The following ARRDC4 variants were observed in gnomAD, a reference collection of about 807,000 sequenced individuals.
ARRDC4 encodes arrestin domain containing 4, also known as arrestin domain-containing protein 4.
In ARRDC4, 40 loss-of-function variants were observed where a neutral mutation model predicts 44.6. The observed-to-expected ratio is 0.90, with a 90% CI of 0.70 to 1.17. ARRDC4 has a LOEUF of 1.17. ARRDC4 is among the 50% of genes most tolerant of loss of function. The pLI, the probability that ARRDC4 is intolerant of heterozygous loss-of-function variation, is 0.00. For synonymous variants in ARRDC4, 211 were observed against 221.2 expected (o/e 0.95, Z 0.41); for missense variants, 550 against 559.1 (o/e 0.98, Z 0.16).
Position 97,968,018 on chromosome 15 carries a change from C to CTG in ARRDC4, c.529_530dup (p.Leu178TyrfsTer2). 6.3e-7 allele frequency: 1 copy of CTG among 1,589,952 alleles called. No homozygotes were observed. The highest frequency in any genetic ancestry group is 1.4e-5 in the African/African-American group (1 of 73,716). On this transcript the variant is annotated frameshift_variant, in exon 4 of 8. Coordinates refer to ENST00000268042, the MANE Select transcript of ARRDC4 (RefSeq NM_183376.3). LOFTEE classifies it high-confidence loss of function. The surrounding 1 kb of genome is among the most constrained non-coding windows in gnomAD (Gnocchi z 5.4). ...TTATTGTTTGAAATTTTCAAGACCC[C>CTG]TGTATTGAAAACTCAAGAGAAAATG... is the stretch of plus-strand genomic sequence containing the variant.
At chr15:97,963,734 A>G (rs1243658166) in intron 1 of ARRDC4, among the ~76,000 whole-genome samples, 1 of 152,206 alleles carries the variant, frequency 6.6e-6, no homozygotes, top group African/African-American at 2.4e-5. Context: ...TTTGAGGATT[A>G]TCTGCGGTGC....
At chr15:97,964,429 A>G (rs1159611419) in intron 1 of ARRDC4, among the ~76,000 whole-genome samples, 1 of 152,162 alleles carries the variant, frequency 6.6e-6, no homozygotes, top group Non-Finnish European at 1.5e-5. Flanking sequence ...ATTAAATCTG[A>G]GCATGAAATG....
At position 97,967,759 on chromosome 15, in the gene ARRDC4, C is replaced by T. The variant is rs1364967459; in HGVS notation, c.523-255C>T. On this transcript the variant is annotated intron_variant, in intron 3 of 7. Transcript: ENST00000268042. This position sits in a 1 kb window ranked among gnomAD's most constrained non-coding sequence, Gnocchi z 5.0. The stretch of plus-strand genomic sequence containing the variant: ...ATATTATTTCCTGGAAACATAATGA[C>T]TTCAGGGTAAAATAAGATGGTGTCA... Among the ~76,000 whole-genome samples the T allele has an allele frequency of 4.6e-5, 7 of 151,816 alleles. No homozygotes were observed. Among genetic ancestry groups the T allele is most frequent in the African/African-American group, 1.7e-4 (7 of 41,334 alleles).
At position 97,968,519 on chromosome 15, in the gene ARRDC4, T is replaced by C. The variant is rs1475224484; in HGVS notation, c.625+403T>C. On this transcript the variant is annotated intron_variant, in intron 4 of 7. Transcript: ENST00000268042. The surrounding 1 kb of genome is among the most constrained non-coding windows in gnomAD (Gnocchi z 5.4). ...GCAAATGCATGGGACTGGAATGTAGTGTATTAACAAACTTAACAATCAGAT... is the reference window on the plus strand; with the variant it reads ...GCAAATGCATGGGACTGGAATGTAGCGTATTAACAAACTTAACAATCAGAT... 6.6e-6 allele frequency among the ~76,000 whole-genome samples: 1 copy of C among 152,204 alleles called. No individual in the cohort carries two copies. The highest frequency in any genetic ancestry group is 1.5e-5 in the Non-Finnish European group (1 of 68,030).
Position 97,965,757 on chromosome 15 carries a change from A to G in ARRDC4, c.374+91A>G. The G allele has an allele frequency of 1.3e-6, 2 of 1,482,112 alleles. No individual in the cohort carries two copies. The highest frequency in any genetic ancestry group is 1.1e-5 in the South Asian group (1 of 87,942). 91.8% of individuals were successfully genotyped at this position (1,482,112 alleles called of 1,614,324 possible). A position where few individuals can be genotyped will look rare whatever the true frequency, so the allele number is the denominator to read the frequency against. On this transcript the variant is annotated intron_variant, in intron 2 of 7. Transcript: ENST00000268042. This position sits in a 1 kb window ranked among gnomAD's most constrained non-coding sequence, Gnocchi z 5.1. ...GCTAGGTCTCTTCTGATTCTCAAGT[A>G]TGCATGTTTACACTGAATAGTCCCT...
Position 97,961,030 on chromosome 15 carries a change from C to CT in ARRDC4, c.170dup (p.Glu58GlyfsTer47). 1 of 1,436,822 alleles carries CT rather than the reference C, an allele frequency of 7.0e-7. No individual in the cohort carries two copies. The highest frequency in any genetic ancestry group is 3.1e-5 in the East Asian group (1 of 32,424). The allele number at this position is 1,436,822 out of a possible 1,614,324, so 89.0% of individuals were successfully genotyped here. A position where few individuals can be genotyped will look rare whatever the true frequency, so the allele number is the denominator to read the frequency against. On this transcript the variant is annotated frameshift_variant, in exon 1 of 8. Transcript: ENST00000268042. LOFTEE classifies it high-confidence loss of function. Reference sequence around the variant, plus strand: ...GCCGGTGGCCCTGCGCGCGCTGCGCCTGGAGGCCCAGGGGCGCGCCACCGC... The same window carrying CT: ...GCCGGTGGCCCTGCGCGCGCTGCGCCTTGGAGGCCCAGGGGCGCGCCACCGC...
Position 97,968,110 on chromosome 15 carries a change from T to C in ARRDC4, c.619T>C (p.Cys207Arg), listed in dbSNP as rs757281279. ...LSAKIERKGYCNGEAIPIYAE... is the reference protein window; with the variant it reads ...LSAKIERKGYRNGEAIPIYAE... ...TGCCAAAATTGAAAGAAAGGGATACTGTAATGGTAAGCAAAATGCTTGAAA... is the reference window on the plus strand; with the variant it reads ...TGCCAAAATTGAAAGAAAGGGATACCGTAATGGTAAGCAAAATGCTTGAAA... Residue 207 changes from cysteine (C) to arginine (R), a missense_variant, in exon 4 of 8, where the codon TGT becomes CGT. By Grantham distance (180) the Cys-to-Arg change is radical. Coordinates refer to ENST00000268042, the MANE Select transcript of ARRDC4 (RefSeq NM_183376.3). The surrounding 1 kb of genome is among the most constrained non-coding windows in gnomAD (Gnocchi z 5.4). The C allele has an allele frequency of 1.3e-6, 2 of 1,567,326 alleles. No individual in the cohort carries two copies. The highest frequency in any genetic ancestry group is 1.7e-6 in the Non-Finnish European group (2 of 1,158,122).
rs200850009 is a variant in ARRDC4 at position 97,970,907 on chromosome 15, A to AT, written c.1200+171dup. ...AGATTATCGCTGATTCATTTGCCAGATTTTTTTACTATTGTCCTTGTGATC... is the reference window on the plus strand; with the variant it reads ...AGATTATCGCTGATTCATTTGCCAGATTTTTTTTACTATTGTCCTTGTGATC... On this transcript the variant is annotated intron_variant, in intron 7 of 7. Transcript: ENST00000268042. The surrounding 1 kb of genome is among the most constrained non-coding windows in gnomAD (Gnocchi z 4.2). Among the ~76,000 whole-genome samples the AT allele has an allele frequency of 0.015, 2,242 of 152,116 alleles. 26 individuals carry two copies. The highest frequency in any genetic ancestry group is 0.041 in the South Asian group (195 of 4,812).
Position 97,970,087 on chromosome 15 carries a change from GA to G in ARRDC4, c.1045+46del. On this transcript the variant is annotated intron_variant, in intron 6 of 7. Transcript: ENST00000268042. The surrounding 1 kb of genome is among the most constrained non-coding windows in gnomAD (Gnocchi z 4.2). Reference sequence around the variant, plus strand: ...TTCTTTCATAACGAAGCTTTACCTAGAAAATACCTAGGAACAGAATATATAC... The same window carrying G: ...TTCTTTCATAACGAAGCTTTACCTAGAAATACCTAGGAACAGAATATATAC... The G allele has an allele frequency of 6.3e-7, 1 of 1,581,540 alleles. No homozygotes were observed.
chr15:97,972,006 G>A lies in ARRDC4; in HGVS notation c.*819G>A, dbSNP rs568415693. 6.6e-6 allele frequency: 1 copy of A among 152,596 alleles called. No homozygotes were observed. The highest frequency in any genetic ancestry group is 1.9e-4 in the East Asian group (1 of 5,184). 9.5% of individuals were successfully genotyped at this position (152,596 alleles called of 1,614,324 possible). On this transcript the variant is annotated 3_prime_UTR_variant, in exon 8 of 8. Coordinates refer to ENST00000268042, the MANE Select transcript of ARRDC4 (RefSeq NM_183376.3). This position sits in a 1 kb window ranked among gnomAD's most constrained non-coding sequence, Gnocchi z 5.3. ...AGGAGCATGTAAGAGAAAGAAGGGA[G>A]AGAAAAGGTTGCATCTGCAGGATGC...
In ARRDC4 at chr15:97,968,979, C is replaced by A; in HGVS notation, c.626-144C>A. The A allele has an allele frequency of 1.1e-6, 1 of 881,278 alleles. No individual in the cohort carries two copies. The highest frequency in any genetic ancestry group is 1.7e-6 in the Non-Finnish European group (1 of 585,162). 54.6% of individuals were successfully genotyped at this position (881,278 alleles called of 1,614,324 possible). A position where few individuals can be genotyped will look rare whatever the true frequency, so the allele number is the denominator to read the frequency against. ...CTGCAGTGAATTTTTATTTCTCTGG[C>A]TTGAATTTACAATATGTTTTCCATC... On this transcript the variant is annotated intron_variant, in intron 4 of 7. Coordinates refer to ENST00000268042, the MANE Select transcript of ARRDC4 (RefSeq NM_183376.3). The surrounding 1 kb of genome is among the most constrained non-coding windows in gnomAD (Gnocchi z 5.4).
intron 1 of ARRDC4, among the ~76,000 whole-genome samples, chr15:97,964,193 A>G (rs1352358248): frequency 6.6e-6 from 1 of 152,114 alleles, no homozygotes; most frequent in Non-Finnish European, 1.5e-5. Flanking sequence ...ACGAAGTTGA[A>G]ATGTCAGCTG....
rs1899545631 is a variant in ARRDC4, at chr15:97,973,297, T to C, written c.*2110T>C. On this transcript the variant is annotated 3_prime_UTR_variant, in exon 8 of 8. Transcript: ENST00000268042. ...CACTAGGATTGTCTTATCACCTTTA[T>C]TAGATAAATCATGAAGTGTCCCTGT... is the stretch of plus-strand genomic sequence containing the variant. The C allele has an allele frequency of 6.6e-6, 1 of 152,610 alleles. No individual in the cohort carries two copies. The highest frequency in any genetic ancestry group is 6.5e-5 in the Admixed American group (1 of 15,272). The allele number at this position is 152,610 out of a possible 1,614,324, so 9.5% of individuals were successfully genotyped here. A position where few individuals can be genotyped will look rare whatever the true frequency, so the allele number is the denominator to read the frequency against.
chr15:97,969,996 C>G lies in ARRDC4; in HGVS notation c.996C>G (p.Phe332Leu), dbSNP rs552486612. The G allele has an allele frequency of 6.2e-7, 1 of 1,613,128 alleles. No individual in the cohort carries two copies. The highest frequency in any genetic ancestry group is 1.3e-5 in the African/African-American group (1 of 74,912). ...GSRNSSIASQ[F>L]SMDMSWLTLT... is the part of the protein sequence containing the mutation. ...GAAACTCCAGCATTGCCAGCCAGTT[C>G]AGTATGGATATGAGCTGGTTGACAC... Residue 332 changes from phenylalanine (F) to leucine (L), a missense_variant, in exon 6 of 8, where the codon TTC (phenylalanine) becomes TTG (leucine). Transcript: ENST00000268042.
chr15:97,970,302 CAATG>C lies in ARRDC4; in HGVS notation c.1045+260_1045+263del, dbSNP rs1899487048. ...CTAATTCCTATTTGTAATAGGAAAA[CAATG>C]AAAAACAGTCAAATGTATGGTGTGT... is the stretch of plus-strand genomic sequence containing the variant. On this transcript the variant is annotated intron_variant, in intron 6 of 7. Coordinates refer to ENST00000268042, the MANE Select transcript of ARRDC4 (RefSeq NM_183376.3). The surrounding 1 kb of genome is among the most constrained non-coding windows in gnomAD (Gnocchi z 4.2). 6.6e-6 allele frequency among the ~76,000 whole-genome samples: 1 copy of C among 151,920 alleles called. No individual in the cohort carries two copies. The highest frequency in any genetic ancestry group is 2.4e-5 in the African/African-American group (1 of 41,358).
chr15:97,970,486 A>AT lies in ARRDC4; in HGVS notation c.1046-97dup. On this transcript the variant is annotated intron_variant, in intron 6 of 7. Transcript: ENST00000268042. This position sits in a 1 kb window ranked among gnomAD's most constrained non-coding sequence, Gnocchi z 4.2. The stretch of plus-strand genomic sequence containing the variant: ...GCTGATTAGAGGGAAAGAATGCCAT[A>AT]TTTTTTATCTTCAAGTTTAGCTGTT... The AT allele has an allele frequency of 1.6e-6, 2 of 1,249,474 alleles. No individual in the cohort carries two copies. The highest frequency in any genetic ancestry group is 1.5e-5 in the South Asian group (1 of 65,032). The allele number at this position is 1,249,474 out of a possible 1,614,324, so 77.4% of individuals were successfully genotyped here.
intron 1 of ARRDC4, among the ~76,000 whole-genome samples, chr15:97,961,399 G>C (rs1449252827): frequency 3.3e-5 from 5 of 152,196 alleles, no homozygotes; most frequent in African/African-American, 1.2e-4. Flanking sequence ...CAGTGGCTCG[G>C]GATTTTCTAG....
In ARRDC4 at chr15:97,965,909, C is replaced by T. The variant is rs1382899878; in HGVS notation, c.389C>T (p.Ser130Leu). 1.9e-6 allele frequency: 3 copies of T among 1,613,996 alleles called. No homozygotes were observed. Among genetic ancestry groups the T allele is most frequent in the Non-Finnish European group, 2.5e-6 (3 of 1,179,996 alleles). The change falls in exon 3 of 8, where the codon TCG becomes TTG. Residue 130 changes from serine (S) to leucine (L), a missense_variant. Transcript: ENST00000268042. This position sits in a 1 kb window ranked among gnomAD's most constrained non-coding sequence, Gnocchi z 5.1. ...GTTGGTTTCAGACCTTTGGTCACCTCGTTTACTGGGAAATATGGAAGCATT... is the reference window on the plus strand; with the variant it reads ...GTTGGTTTCAGACCTTTGGTCACCTTGTTTACTGGGAAATATGGAAGCATT... ...FQLPSEPLVTSFTGKYGSIQY... is the reference protein window; with the variant it reads ...FQLPSEPLVTLFTGKYGSIQY...
Position 97,970,796 on chromosome 15 carries a change from AT to A in ARRDC4, c.1200+59del, listed in dbSNP as rs746726598. 1.3e-6 allele frequency: 2 copies of A among 1,551,228 alleles called. No homozygotes were observed. Among genetic ancestry groups the A allele is most frequent in the Non-Finnish European group, 8.8e-7 (1 of 1,134,742 alleles). On this transcript the variant is annotated intron_variant, in intron 7 of 7. Transcript: ENST00000268042. The surrounding 1 kb of genome is among the most constrained non-coding windows in gnomAD (Gnocchi z 4.2). ...TTTACTGTATTATTTTCAAATAATC[AT>A]TTTTTGTCATCCGTTCATTAGAGTG...
Sources: allele counts gnomAD v4.1 joint callset (sites outside exome capture counted in the v4.1 genomes callset), GRCh38; gene constraint gnomAD v4.1.1; non-coding constraint Gnocchi (gnomAD v3.1); transcripts MANE v1.5; gene names NCBI Gene and HGNC (gene_info 2026-07-23, HGNC 2026-07-21).